The following ZNF10 variants were observed in gnomAD, a reference collection of about 807,000 sequenced individuals.
ZNF10 encodes the protein zinc finger protein 10 (KOX 1).
Under a neutral mutation model 12.2 loss-of-function variants are expected in ZNF10, and 8 were observed. The observed-to-expected ratio is 0.66, with a 90% CI of 0.39 to 1.18. The LOEUF (loss-of-function observed/expected upper bound fraction) is 1.18, where lower values mean the gene tolerates loss of function less well. Among genes scored for constraint, ZNF10 ranks in the 50% most tolerant of loss-of-function variants. ZNF10 has a pLI of 0.01. For synonymous variants in ZNF10, 229 were observed against 228.2 expected (o/e 1.00, Z -0.03); for missense variants, 603 against 678.9 (o/e 0.89, Z 1.24).
In ZNF10 at chr12:133,155,829, T is replaced by A. The variant is rs1350460544; in HGVS notation, c.583T>A (p.Leu195Ile). ...TAAACGTGACTCACATACTAAAAGTTTAAAACATGATTTAGTTCTTAATGG... is the reference window on the plus strand; with the variant it reads ...TAAACGTGACTCACATACTAAAAGTATAAAACATGATTTAGTTCTTAATGG... Reference protein sequence around the residue: ...FHKRDSHTKSLKHDLVLNGHQ... With the variant: ...FHKRDSHTKSIKHDLVLNGHQ... Residue 195 changes from leucine to isoleucine, a missense_variant, in exon 5 of 5, where the codon TTA (leucine) becomes ATA (isoleucine). Physicochemically the swap from Leu to Ile is conservative, Grantham distance 5. Coordinates refer to ENST00000248211, the MANE Select transcript of ZNF10 (RefSeq NM_015394.5). The A allele has an allele frequency of 5.6e-6, 9 of 1,613,794 alleles. No homozygotes were observed. Among genetic ancestry groups the A allele is most frequent in the Non-Finnish European group, 7.6e-6 (9 of 1,179,890 alleles).
At position 133,156,896 on chromosome 12, in the gene ZNF10, T is replaced by A. The variant is rs774511506; in HGVS notation, c.1650T>A (p.Cys550Ter). Reference sequence around the variant, plus strand: ...AGCAGTTCTTAACATGCAATCAATGTGGGACAGCGCTTGTTAATACCTCTA... The same window carrying A: ...AGCAGTTCTTAACATGCAATCAATGAGGGACAGCGCTTGTTAATACCTCTA... ...TGEQFLTCNQ[C>*]GTALVNTSNL... Residue 550 changes from cysteine to a stop codon, truncating the protein, a stop_gained, in exon 5 of 5, where the codon TGT (cysteine) becomes TGA (stop). Coordinates refer to ENST00000248211, the MANE Select transcript of ZNF10 (RefSeq NM_015394.5). LOFTEE classifies it low-confidence loss of function (END_TRUNC). 4 of 1,514,784 alleles carry A rather than the reference T, an allele frequency of 2.6e-6. No homozygotes were observed. The Admixed American group carries it at 9.2e-5, about 35-fold the overall frequency. The allele number at this position is 1,514,784 out of a possible 1,614,324, so 93.8% of individuals were successfully genotyped here.
intron 1 of ZNF10, among the ~76,000 whole-genome samples, chr12:133,132,209 G>T (rs1955883549): frequency 6.6e-6 from 1 of 151,666 alleles, no homozygotes; most frequent in Non-Finnish European, 1.5e-5. Context: ...AATAAAGGAT[G>T]AGTAAGAATA....
At position 133,140,218 on chromosome 12, in the gene ZNF10, A is replaced by G. The variant is rs940816215; in HGVS notation, c.-59-4216A>G. Among the ~76,000 whole-genome samples, 48 of 144,992 alleles carry G rather than the reference A, an allele frequency of 3.3e-4. 1 individual carries two copies. Among genetic ancestry groups the G allele is most frequent in the African/African-American group, 7.8e-4 (31 of 39,714 alleles). The stretch of plus-strand genomic sequence containing the variant: ...ACCCTGTCTCAAAAAAAAAAAAAAA[A>G]AAAAAAAAAAAAAGCCAGGTGCAGT... On this transcript the variant is annotated intron_variant, in intron 1 of 4. Coordinates refer to ENST00000248211, the MANE Select transcript of ZNF10 (RefSeq NM_015394.5).
At chr12:133,137,394 C>G (rs758707809) in intron 1 of ZNF10, among the ~76,000 whole-genome samples, 2 of 152,336 alleles carry the variant, frequency 1.3e-5, no homozygotes, top group South Asian at 4.1e-4. Context: ...TTGCACACCT[C>G]TGGCCCTGTT....
At chr12:133,148,439 G>A (rs888126871) in intron 2 of ZNF10, among the ~76,000 whole-genome samples, 1 of 152,074 alleles carries the variant, frequency 6.6e-6, no homozygotes, top group Non-Finnish European at 1.5e-5. Context: ...TGTGCTTTTG[G>A]TGTTATTGTT....
At chr12:133,142,730 G>A (rs1272751847) in intron 1 of ZNF10, among the ~76,000 whole-genome samples, 3 of 152,144 alleles carry the variant, frequency 2.0e-5, no homozygotes, top group Non-Finnish European at 4.4e-5. Flanking sequence ...ATTAGAATAT[G>A]CATATATATT....
intron 4 of ZNF10, among the ~76,000 whole-genome samples, chr12:133,154,888 C>A (rs1418900686): frequency 6.6e-6 from 1 of 152,076 alleles, no homozygotes; most frequent in African/African-American, 2.4e-5. Context: ...ACCAGCCTGG[C>A]CAACATAGTG....
intron 1 of ZNF10, among the ~76,000 whole-genome samples, chr12:133,132,460 C>A (rs1305606369): frequency 6.6e-6 from 1 of 151,272 alleles, no homozygotes; most frequent in African/African-American, 2.4e-5. Context: ...GTCACAAGGG[C>A]AGAGATTTGA....
At chr12:133,138,394 A>G (rs115044147) in intron 1 of ZNF10, among the ~76,000 whole-genome samples, 186 of 152,104 alleles carry the variant, frequency 1.2e-3, no homozygotes, top group African/African-American at 4.3e-3. Context: ...GTCTAAAAAA[A>G]AAAAAAAATT....
At chr12:133,134,199 G>A (rs889213057) in intron 1 of ZNF10, among the ~76,000 whole-genome samples, 11 of 150,512 alleles carry the variant, frequency 7.3e-5, no homozygotes, top group African/African-American at 2.7e-4. Flanking sequence ...TGTAATCCCA[G>A]CTATATGGGA....
chr12:133,149,658 C>CT lies in ZNF10; in HGVS notation c.34-1359dup, dbSNP rs113572430. ...AGGTGTGAGCCACTGCACCCGGTTG[C>CT]TTTTTTTTTTTCTTGATAAAGTTTG... On this transcript the variant is annotated intron_variant, in intron 2 of 4. Transcript: ENST00000248211. Among the ~76,000 whole-genome samples the CT allele has an allele frequency of 7.7e-3, 1,095 of 141,792 alleles. 11 individuals carry two copies. The highest frequency in any genetic ancestry group is 0.025 in the African/African-American group (994 of 39,006). The allele number at this position is 141,792 out of a possible 152,430, so 93.0% of individuals were successfully genotyped here.
At chr12:133,153,460 C>T (rs1420841631) in intron 4 of ZNF10, among the ~76,000 whole-genome samples, 1 of 152,168 alleles carries the variant, frequency 6.6e-6, no homozygotes, top group Non-Finnish European at 1.5e-5. Context: ...CAGCACCCCC[C>T]TTATCATAGA....
At chr12:133,155,438 A>C (rs1451015336) in intron 4 of ZNF10, 65 bp from the exon 5 acceptor site, 1 of 1,487,204 alleles carries the variant, frequency 6.7e-7, no homozygotes, top group Non-Finnish European at 9.0e-7. Flanking sequence ...TTGTCTCCAC[A>C]TACATCCTAG....
chr12:133,142,374 C>T (rs932081365), intron 1 of ZNF10, among the ~76,000 whole-genome samples: 7 of 148,466 alleles, frequency 4.7e-5, no homozygotes, highest in African/African-American at 2.5e-5. Context: ...CTTGCCACTG[C>T]ACTCCAACCT....
chr12:133,158,805 A>G lies in ZNF10; in HGVS notation c.*1837A>G, dbSNP rs1028964447. On this transcript the variant is annotated 3_prime_UTR_variant, in exon 5 of 5. Coordinates refer to ENST00000248211, the MANE Select transcript of ZNF10 (RefSeq NM_015394.5). ...AGGAGACTTGAGAACTACGAGGAAC[A>G]TGGCAGCCTCTAGCTCATACTTGTC... The G allele has an allele frequency of 2.0e-5, 3 of 152,208 alleles. No individual in the cohort carries two copies. Among genetic ancestry groups the G allele is most frequent in the Non-Finnish European group, 4.4e-5 (3 of 68,042 alleles). The allele number at this position is 152,208 out of a possible 1,614,324, so 9.4% of individuals were successfully genotyped here. A position where few individuals can be genotyped will look rare whatever the true frequency, so the allele number is the denominator to read the frequency against.
chr12:133,137,889 C>T (rs985990041), intron 1 of ZNF10, among the ~76,000 whole-genome samples: 1 of 152,162 alleles, frequency 6.6e-6, no homozygotes, highest in Non-Finnish European at 1.5e-5. Context: ...ATGACTGATA[C>T]TTTAGAGAAG....
intron 1 of ZNF10, among the ~76,000 whole-genome samples, chr12:133,138,673 TGTAA>T (rs1955926791): frequency 6.6e-6 from 1 of 152,236 alleles, no homozygotes. Context: ...TCTTGCTTCC[TGTAA>T]GTAATTTTTT....
At chr12:133,136,346 C>G (rs1490230525) in intron 1 of ZNF10, among the ~76,000 whole-genome samples, 1 of 152,126 alleles carries the variant, frequency 6.6e-6, no homozygotes, top group Non-Finnish European at 1.5e-5. Context: ...CTGCTGTTTC[C>G]ACTAGTGTAT....
chr12:133,153,619 T>C (rs1335317459), intron 4 of ZNF10, among the ~76,000 whole-genome samples: 3 of 152,182 alleles, frequency 2.0e-5, no homozygotes, highest in Admixed American at 6.5e-5. Context: ...AGGAACTAAC[T>C]AAGTGGTAAG....
Sources: allele counts gnomAD v4.1 joint callset (sites outside exome capture counted in the v4.1 genomes callset), GRCh38; gene constraint gnomAD v4.1.1; transcripts MANE v1.5; gene names NCBI Gene and HGNC (gene_info 2026-07-23, HGNC 2026-07-21).